Variants in CSMD2 observed in about 807,000 individuals in gnomAD.
CSMD2 encodes the protein CUB and Sushi multiple domains 2.
In CSMD2, 130 loss-of-function variants were observed where a neutral mutation model predicts 398.5. The ratio of observed to expected loss-of-function variants is 0.33; its 90% CI spans 0.28 to 0.38. CSMD2 has a LOEUF of 0.38. CSMD2 is among the 10% of genes least tolerant of loss of function. The pLI is 1.00. For synonymous variants in CSMD2, 1,828 were observed against 1,908.5 expected (o/e 0.96, Z 1.10); for missense variants, 3,829 against 4,764.9 (o/e 0.80, Z 5.78).
At chr1:33,899,331 C>T (rs1642602844) in intron 5 of CSMD2, among the ~76,000 whole-genome samples, 1 of 152,212 alleles carries the variant, frequency 6.6e-6, no homozygotes, top group South Asian at 2.1e-4. Context: ...TGGCATAGGC[C>T]CAGGGCCATC....
At chr1:34,118,532 A>G (rs1244327715) in intron 1 of CSMD2, among the ~76,000 whole-genome samples, 1 of 152,226 alleles carries the variant, frequency 6.6e-6, no homozygotes, top group African/African-American at 2.4e-5. Flanking sequence ...AAACTGTTAG[A>G]ACTAATAAAC....
At chr1:34,143,238 G>A (rs774616841) in intron 1 of CSMD2, among the ~76,000 whole-genome samples, 4 of 151,998 alleles carry the variant, frequency 2.6e-5, no homozygotes, top group Non-Finnish European at 4.4e-5. Flanking sequence ...GGCACCTCAC[G>A]GGTCCCAGTG....
chr1:33,541,105 T>A (rs1000287451), intron 59 of CSMD2, 25 bp downstream of exon 59: 33 of 1,610,244 alleles, frequency 2.0e-5, no homozygotes, highest in Non-Finnish European at 2.7e-5. Context: ...TGGCTCTCTG[T>A]CCACATTTGC....
At chr1:34,074,394 C>A (rs550080039) in intron 2 of CSMD2, among the ~76,000 whole-genome samples, 1 of 152,168 alleles carries the variant, frequency 6.6e-6, no homozygotes, top group Non-Finnish European at 1.5e-5. Context: ...TGGAGCTGGC[C>A]CGGGCCACTG....
intron 6 of CSMD2, among the ~76,000 whole-genome samples, chr1:33,841,957 A>G (rs1156738371): frequency 1.3e-5 from 2 of 152,142 alleles, no homozygotes; most frequent in African/African-American, 2.4e-5. Flanking sequence ...TCACATCATT[A>G]TCTCTAGCCC....
At chr1:33,770,378 A>G (rs1338127748) in intron 13 of CSMD2, among the ~76,000 whole-genome samples, 1 of 152,220 alleles carries the variant, frequency 6.6e-6, no homozygotes, top group Non-Finnish European at 1.5e-5. Flanking sequence ...TCTTATCACC[A>G]ATTGGACTAT....
rs1183427595 is a variant in CSMD2, at chr1:33,953,305, T to C, written c.518-17351A>G. ...ATATTAAACACCTGCCCAGGACAGA[T>C]ACATGAGCAATAAATGAATTTAAAT... On this transcript the variant is annotated intron_variant, in intron 3 of 70. Coordinates refer to ENST00000373381, the MANE Select transcript of CSMD2 (RefSeq NM_001281956.2). 2.6e-5 allele frequency among the ~76,000 whole-genome samples: 4 copies of C among 152,098 alleles called. No homozygotes were observed. In the South Asian group the frequency reaches 8.3e-4, roughly 32 times the overall value.
At chr1:33,563,519 T>TTAGC (rs1173694566) in intron 53 of CSMD2, among the ~76,000 whole-genome samples, 5 of 152,080 alleles carry the variant, frequency 3.3e-5, no homozygotes, top group Non-Finnish European at 7.3e-5. Context: ...TATTATATGA[T>TTAGC]TAGCTAACAA....
intron 22 of CSMD2, among the ~76,000 whole-genome samples, chr1:33,708,617 T>TATTATTATTATTATTA (rs1553180016): frequency 5.3e-5 from 8 of 150,242 alleles, no homozygotes; most frequent in South Asian, 2.1e-4. Flanking sequence ...TTATTATTAT[T>TATTATTATTATTATTA]TTGAGACAGG....
intron 32 of CSMD2, among the ~76,000 whole-genome samples, chr1:33,628,823 A>C (rs987697305): frequency 3.3e-5 from 5 of 152,210 alleles, no homozygotes; most frequent in African/African-American, 4.8e-5. Flanking sequence ...ACAACAACAA[A>C]AAAAGAAAAT....
intron 68 of CSMD2, 24 bp downstream of exon 68, chr1:33,521,439 T>G: frequency 1.3e-5 from 9 of 699,410 alleles, no homozygotes; most frequent in East Asian, 3.8e-5. Context: ...GGGCCCACAC[T>G]TCCGGGGGAC....
intron 5 of CSMD2, among the ~76,000 whole-genome samples, chr1:33,916,755 A>G (rs1162033867): frequency 1.3e-5 from 2 of 151,982 alleles, no homozygotes; most frequent in South Asian, 2.1e-4. Flanking sequence ...TTCCCCCTTT[A>G]TCCCTCTTAA....
Position 33,918,305 on chromosome 1 carries a change from TG to T in CSMD2, c.713-5del. 1 of 1,613,498 alleles carries T rather than the reference TG, an allele frequency of 6.2e-7. No homozygotes were observed. The highest frequency in any genetic ancestry group is 8.5e-7 in the Non-Finnish European group (1 of 1,179,844). ...GTCCCACCACAGGCATCATCAGCTG[TG>T]GGCACAGAGAGAAGAGGCTTACATG... On this transcript the variant is annotated splice_region_variant and splice_polypyrimidine_tract_variant and intron_variant, in intron 4 of 70. Transcript: ENST00000373381.
intron 26 of CSMD2, among the ~76,000 whole-genome samples, chr1:33,659,127 T>C (rs1295870461): frequency 6.6e-6 from 1 of 152,236 alleles, no homozygotes; most frequent in African/African-American, 2.4e-5. Context: ...AAATTCAAAA[T>C]ACTCAGGAAT....
At chr1:33,945,796 C>A (rs1330498525) in intron 3 of CSMD2, among the ~76,000 whole-genome samples, 1 of 152,128 alleles carries the variant, frequency 6.6e-6, no homozygotes, top group African/African-American at 2.4e-5. Context: ...GCCCTGCTGC[C>A]CCCTGCTCAG....
At chr1:34,162,843 G>A (rs1479597471) in intron 1 of CSMD2, among the ~76,000 whole-genome samples, 1 of 152,096 alleles carries the variant, frequency 6.6e-6, no homozygotes, top group East Asian at 1.9e-4. Flanking sequence ...TGGGCGAGAA[G>A]AGCAAAACTC....
chr1:33,809,987 G>A (rs975730834), intron 10 of CSMD2, among the ~76,000 whole-genome samples: 14 of 152,094 alleles, frequency 9.2e-5, no homozygotes, highest in Middle Eastern at 3.4e-3. Context: ...AATTATACAA[G>A]TTTATTGCAA....
At chr1:33,901,312 C>T (rs1326183655) in intron 5 of CSMD2, among the ~76,000 whole-genome samples, 1 of 152,180 alleles carries the variant, frequency 6.6e-6, no homozygotes, top group South Asian at 2.1e-4. Flanking sequence ...ATGCGGTTGG[C>T]TGTGAGAAGG....
At chr1:33,831,706 C>T (rs1354126494) in intron 6 of CSMD2, among the ~76,000 whole-genome samples, 1 of 152,162 alleles carries the variant, frequency 6.6e-6, no homozygotes, top group East Asian at 1.9e-4. Flanking sequence ...AATTAAAAGA[C>T]ATCGACTGGT....
Sources: gnomAD v4.1 joint callset for allele counts (sites outside exome capture counted in the v4.1 genomes callset) on GRCh38, gnomAD v4.1.1 for gene constraint, MANE v1.5 for transcripts, NCBI Gene and HGNC (gene_info 2026-07-23, HGNC 2026-07-21) for gene names.